Variants in GKN1 observed in about 807,000 individuals in gnomAD.
GKN1 encodes the protein gastrokine 1.
In GKN1, 17 loss-of-function variants were observed where a neutral mutation model predicts 19.7. The ratio of observed to expected loss-of-function variants is 0.86; its 90% confidence interval spans 0.59 to 1.29. The LOEUF (loss-of-function observed/expected upper bound fraction) is 1.29. Among genes scored for constraint, GKN1 ranks in the 50% most tolerant of loss-of-function variants. The pLI is 0.00. For missense variants in GKN1, 218 were observed against 224.5 expected (o/e 0.97, Z 0.19); for synonymous variants, 96 against 78.3 (o/e 1.23, Z -1.20).
intron 1 of GKN1, among the ~76,000 whole-genome samples, chr2:68,976,510 G>T (rs1328522564): frequency 6.6e-6 from 1 of 152,112 alleles, no homozygotes; most frequent in African/African-American, 2.4e-5. Context: ...TGAGTGAGAG[G>T]TGAGCATCAA....
At chr2:68,977,436 G>A in intron 1 of GKN1, 59 bp from the exon 2 acceptor site, 1 of 1,112,470 alleles carries the variant, frequency 9.0e-7, no homozygotes. Flanking sequence ...TTGGATAGAG[G>A]AAGAAAGAAG....
chr2:68,980,904 T>G lies in GKN1; in HGVS notation c.*81T>G. 1 of 725,430 alleles carries G rather than the reference T, an allele frequency of 1.4e-6. No homozygotes were observed. Among genetic ancestry groups the G allele is most frequent in the Non-Finnish European group, 2.5e-6 (1 of 405,072 alleles). The allele number at this position is 725,430 out of a possible 1,614,324, so 44.9% of individuals were successfully genotyped here. A position where few individuals can be genotyped will look rare whatever the true frequency, so the allele number is the denominator to read the frequency against. ...ATATGGGCTCCAGTGGTTTTTACCA[T>G]GTCATTCTGAAATTTTTCTCTACTA... On this transcript the variant is annotated 3_prime_UTR_variant, in exon 6 of 6. Transcript: ENST00000377938.
intron 3 of GKN1, chr2:68,978,063 C>T (rs1212628245): frequency 5.3e-6 from 2 of 375,282 alleles, no homozygotes; most frequent in Admixed American, 8.0e-5. Context: ...CCTGCAGATA[C>T]CCTCAATAAT....
chr2:68,978,927 C>A lies in GKN1; in HGVS notation c.261C>A (p.Asn87Lys). The A allele has an allele frequency of 6.2e-7, 1 of 1,610,428 alleles. No individual in the cohort carries two copies. Among genetic ancestry groups the A allele is most frequent in the Non-Finnish European group, 8.5e-7 (1 of 1,177,160 alleles). Residue 87 changes from asparagine to lysine, a missense_variant, in exon 4 of 6, where the codon AAC (asparagine) becomes AAA (lysine). Transcript: ENST00000377938. ...QKKTCIVHKM[N>K]KEVMPSIQSL... ...AGACATGCATTGTGCACAAAATGAA[C>A]AAGGAAGTCATGCCCTCCATTCAAT...
At position 68,979,973 on chromosome 2, in the gene GKN1, A is replaced by T; in HGVS notation, c.376A>T (p.Asn126Tyr). The change falls in exon 5 of 6, where the codon AAC (asparagine) becomes TAC (tyrosine). Residue 126 changes from asparagine to tyrosine, a missense_variant. Asn to Tyr is a moderately radical substitution (Grantham distance 143). Coordinates refer to ENST00000377938, the MANE Select transcript of GKN1 (RefSeq NM_019617.4). ...PKGLMYSVNP[N>Y]KVDDLSKFGK... ...GGGCCTGATGTACTCAGTCAACCCAAACAAAGTCGATGACCTGAGCAAGTT... is the reference window on the plus strand; with the variant it reads ...GGGCCTGATGTACTCAGTCAACCCATACAAAGTCGATGACCTGAGCAAGTT... The T allele has an allele frequency of 6.2e-7, 1 of 1,613,534 alleles. No homozygotes were observed.
rs1670315090 is a variant in GKN1 at position 68,978,737 on chromosome 2, G to T, written c.205-134G>T. The T allele has an allele frequency of 5.1e-6, 3 of 587,452 alleles. No homozygotes were observed. The South Asian group carries it at 7.0e-5, about 14-fold the overall frequency. The allele number at this position is 587,452 out of a possible 1,614,324, so 36.4% of individuals were successfully genotyped here. On this transcript the variant is annotated intron_variant, in intron 3 of 5. Coordinates refer to ENST00000377938, the MANE Select transcript of GKN1 (RefSeq NM_019617.4). ...GCAATAGATATGATTGCCAAGCAGT[G>T]CCCCATCCAGTGCTCTTATCCCAGC...
intron 4 of GKN1, 59 bp from the exon 5 acceptor site, chr2:68,979,854 C>T: frequency 6.8e-7 from 1 of 1,467,256 alleles, no homozygotes. Context: ...CAACAAACCA[C>T]TGGGCTTGGC....
In GKN1 at chr2:68,978,921, A is replaced by G. The variant is rs1670317852; in HGVS notation, c.255A>G (p.Lys85=). The G allele has an allele frequency of 6.2e-7, 1 of 1,611,676 alleles. No homozygotes were observed. Among genetic ancestry groups the G allele is most frequent in the Non-Finnish European group, 8.5e-7 (1 of 1,178,330 alleles). ...LFQKKTCIVH[K]MNKEVMPSIQ... is the part of the protein sequence containing the mutation. ...AAAAGAAGACATGCATTGTGCACAA[A>G]ATGAACAAGGAAGTCATGCCCTCCA... Residue 85 remains lysine, a synonymous_variant, in exon 4 of 6, where the codon AAA becomes AAG. Coordinates refer to ENST00000377938, the MANE Select transcript of GKN1 (RefSeq NM_019617.4).
intron 5 of GKN1, 120 bp downstream of exon 5, chr2:68,980,180 G>A (rs1192529329): frequency 1.2e-6 from 1 of 815,832 alleles, no homozygotes; most frequent in African/African-American, 1.7e-5. Context: ...CAACATTTGT[G>A]CAGTGCTTGC....
In GKN1 at chr2:68,977,545, C is replaced by T. The variant is rs1670280286; in HGVS notation, c.63C>T (p.Asn21=). 3 of 1,609,102 alleles carry T rather than the reference C, an allele frequency of 1.9e-6. No homozygotes were observed. Among genetic ancestry groups the T allele is most frequent in the Non-Finnish European group, 2.6e-6 (3 of 1,175,592 alleles). ...LGVFLAPALA[N]YNINVNDDNN... is the part of the protein sequence containing the mutation. The stretch of plus-strand genomic sequence containing the variant: ...TCTTTCTAGCTCCTGCCCTAGCTAA[C>T]TATGTAAGTCTCACCTTTTCAAGTT... Residue 21 remains asparagine (N), a synonymous_variant, in exon 2 of 6, where the codon AAC becomes AAT. Coordinates refer to ENST00000377938, the MANE Select transcript of GKN1 (RefSeq NM_019617.4).
chr2:68,978,633 G>A (rs1670312958), intron 3 of GKN1, among the ~76,000 whole-genome samples: 1 of 152,154 alleles, frequency 6.6e-6, no homozygotes, highest in African/African-American at 2.4e-5. Flanking sequence ...TTATCATGCT[G>A]GAACCTGGAA....
Position 68,977,528 on chromosome 2 carries a change from G to T in GKN1, c.46G>T (p.Ala16Ser). Residue 16 changes from alanine (A) to serine (S), a missense_variant, in exon 2 of 6, where the codon GCT becomes TCT. Physicochemically the swap from Ala to Ser is moderately conservative, Grantham distance 99 (BLOSUM62 1). Coordinates refer to ENST00000377938, the MANE Select transcript of GKN1 (RefSeq NM_019617.4). ...VFAGLLGVFL[A>S]PALANYNINV... ...TGCTGGACTTCTTGGAGTCTTTCTA[G>T]CTCCTGCCCTAGCTAACTATGTAAG... 1 of 1,611,584 alleles carries T rather than the reference G, an allele frequency of 6.2e-7. No homozygotes were observed.
rs200894594 is a variant in GKN1 at position 68,977,690 on chromosome 2, G to A, written c.120G>A (p.Val40=). The change falls in exon 3 of 6, where the codon GTG becomes GTA. Residue 40 remains valine, a synonymous_variant. Coordinates refer to ENST00000377938, the MANE Select transcript of GKN1 (RefSeq NM_019617.4). ...ATGCTGGAAGTGGGCAGCAGTCAGT[G>A]AGTGTCAACAATGAACACAATGTGG... The part of the protein sequence containing the change: ...NNNAGSGQQS[V]SVNNEHNVAN... The A allele has an allele frequency of 1.3e-5, 21 of 1,606,740 alleles. No individual in the cohort carries two copies. Among genetic ancestry groups the A allele is most frequent in the Non-Finnish European group, 1.7e-5 (20 of 1,173,312 alleles).
chr2:68,977,294 C>G (rs987402269), intron 1 of GKN1, among the ~76,000 whole-genome samples: 4 of 152,034 alleles, frequency 2.6e-5, no homozygotes, highest in African/African-American at 9.7e-5. Context: ...AATATAATTA[C>G]TTATAATTAA....
chr2:68,980,850 T>TAAA lies in GKN1; in HGVS notation c.*28_*29insAAA. On this transcript the variant is annotated 3_prime_UTR_variant, in exon 6 of 6. Coordinates refer to ENST00000377938, the MANE Select transcript of GKN1 (RefSeq NM_019617.4). The stretch of plus-strand genomic sequence containing the variant: ...CAATTTTTTAAAGCCACTATGGATT[T>TAAA]AGTCATCTGAATATGCTGTGCAGAA... 9.1e-7 allele frequency: 1 copy of TAAA among 1,093,136 alleles called. No individual in the cohort carries two copies. The highest frequency in any genetic ancestry group is 1.4e-6 in the Non-Finnish European group (1 of 704,718). The allele number at this position is 1,093,136 out of a possible 1,614,324, so 67.7% of individuals were successfully genotyped here.
Position 68,980,675 on chromosome 2 carries a change from G to A in GKN1, c.464-54G>A, listed in dbSNP as rs1458589044. The A allele has an allele frequency of 5.4e-6, 5 of 924,556 alleles. No individual in the cohort carries two copies. The East Asian group carries it at 9.6e-5, about 18-fold the overall frequency. The allele number at this position is 924,556 out of a possible 1,614,324, so 57.3% of individuals were successfully genotyped here. A position where few individuals can be genotyped will look rare whatever the true frequency, so the allele number is the denominator to read the frequency against. Reference sequence around the variant, plus strand: ...CCCCTACTCCCCCAATCCCCTCCAAGAAAAGAGTCCTTAAATAGACATTAA... The same window carrying A: ...CCCCTACTCCCCCAATCCCCTCCAAAAAAAGAGTCCTTAAATAGACATTAA... On this transcript the variant is annotated intron_variant, in intron 5 of 5. Transcript: ENST00000377938.
chr2:68,976,710 C>T (rs1670267397), intron 1 of GKN1, among the ~76,000 whole-genome samples: 1 of 151,974 alleles, frequency 6.6e-6, no homozygotes. Flanking sequence ...TTAAATAATC[C>T]AAATATCTAC....
At chr2:68,978,700 T>A (rs1393381852) in intron 3 of GKN1, among the ~76,000 whole-genome samples, 171 bp from the exon 4 acceptor site, 1 of 152,184 alleles carries the variant, frequency 6.6e-6, no homozygotes, top group Non-Finnish European at 1.5e-5. Context: ...CAGTCTGTCC[T>A]CACAAATGTC....
At chr2:68,974,891 G>A (rs1385133466) in intron 1 of GKN1, among the ~76,000 whole-genome samples, 1 of 152,072 alleles carries the variant, frequency 6.6e-6, no homozygotes, top group Non-Finnish European at 1.5e-5. Context: ...AGGGAACTTA[G>A]AGGACAGGTC....
Sources: allele counts gnomAD v4.1 joint callset (sites outside exome capture counted in the v4.1 genomes callset), GRCh38; gene constraint gnomAD v4.1.1; transcripts MANE v1.5; gene names NCBI Gene and HGNC (gene_info 2026-07-23, HGNC 2026-07-21).